Variants in YIPF1 observed in about 807,000 individuals in gnomAD.
YIPF1 encodes the protein Yip1 domain family member 1.
In YIPF1, 22 loss-of-function variants were observed where a neutral mutation model predicts 37.0. The ratio of observed to expected loss-of-function variants is 0.59; its 90% CI spans 0.42 to 0.85. YIPF1 has a LOEUF of 0.85. YIPF1 is among the 40% of genes least tolerant of loss of function. The pLI is 0.00. For missense variants in YIPF1, 355 were observed against 373.1 expected (o/e 0.95, Z 0.40); for synonymous variants, 128 against 131.9 (o/e 0.97, Z 0.21).
chr1:53,857,420 AC>A (rs1419360923), intron 10 of YIPF1, among the ~76,000 whole-genome samples: 1 of 152,172 alleles, frequency 6.6e-6, no homozygotes, highest in Non-Finnish European at 1.5e-5. Flanking sequence ...ACACCTCTAG[AC>A]CCGCAGAGGA....
At chr1:53,854,650 G>A (rs561027738) in intron 10 of YIPF1, among the ~76,000 whole-genome samples, 95 of 152,312 alleles carry the variant, frequency 6.2e-4, no homozygotes, top group Non-Finnish European at 1.0e-3. Context: ...CTTCTAGTCT[G>A]TGTGGCGTAT....
rs377441528 is a variant in YIPF1 at position 53,867,417 on chromosome 1, G to GGC, written c.482-495_482-494dup. Reference sequence around the variant, plus strand: ...AGACAGAGTCTTGCTCTGTCGCCCAGGCTGGAGTGCAGTGGCGCGATCTAG... The same window carrying GGC: ...AGACAGAGTCTTGCTCTGTCGCCCAGGCGCTGGAGTGCAGTGGCGCGATCTAG... On this transcript the variant is annotated intron_variant, in intron 7 of 10. Coordinates refer to ENST00000072644, the MANE Select transcript of YIPF1 (RefSeq NM_018982.5). 1.4e-5 allele frequency among the ~76,000 whole-genome samples: 2 copies of GGC among 138,904 alleles called. 1 individual carries two copies. Among genetic ancestry groups the GGC allele is most frequent in the African/African-American group, 5.5e-5 (2 of 36,334 alleles). The allele number at this position is 138,904 out of a possible 152,430, so 91.1% of individuals were successfully genotyped here.
At chr1:53,855,844 C>T (rs541641133) in intron 10 of YIPF1, among the ~76,000 whole-genome samples, 2 of 152,254 alleles carry the variant, frequency 1.3e-5, no homozygotes, top group South Asian at 2.1e-4. Context: ...TGGAAGCTCC[C>T]CTATGATCCT....
intron 6 of YIPF1, among the ~76,000 whole-genome samples, chr1:53,873,688 C>CA (rs1216285176): frequency 4.1e-3 from 425 of 102,858 alleles, no homozygotes; most frequent in East Asian, 0.023. Context: ...GACCTCATCT[C>CA]AAAAAAAAAA....
In YIPF1 at chr1:53,869,131, TTCTC is replaced by T. The variant is rs759374987; in HGVS notation, c.482-2211_482-2208del. ...AAAGAAGGAAGGATACATGGATACATTCTCTCTCTCTCTCTCTCTCTCTCTCTCT... is the reference window on the plus strand; with the variant it reads ...AAAGAAGGAAGGATACATGGATACATTCTCTCTCTCTCTCTCTCTCTCTCT... On this transcript the variant is annotated intron_variant, in intron 7 of 10. Coordinates refer to ENST00000072644, the MANE Select transcript of YIPF1 (RefSeq NM_018982.5). Among the ~76,000 whole-genome samples the T allele has an allele frequency of 1.8e-3, 245 of 139,558 alleles. 3 individuals are homozygous for T. The highest frequency in any genetic ancestry group is 0.012 in the South Asian group (53 of 4,242). The allele number at this position is 139,558 out of a possible 152,430, so 91.6% of individuals were successfully genotyped here. A position where few individuals can be genotyped will look rare whatever the true frequency, so the allele number is the denominator to read the frequency against.
intron 3 of YIPF1, among the ~76,000 whole-genome samples, chr1:53,886,107 G>A (rs1650645052): frequency 6.6e-6 from 1 of 151,916 alleles, no homozygotes; most frequent in Admixed American, 6.6e-5. Context: ...GCCCCAAGGA[G>A]GGCGATAACT....
intron 6 of YIPF1, among the ~76,000 whole-genome samples, chr1:53,876,728 T>G (rs1196520458): frequency 6.6e-6 from 1 of 152,184 alleles, no homozygotes; most frequent in East Asian, 1.9e-4. Context: ...ATCTATAAAA[T>G]GGGGATAATA....
intron 6 of YIPF1, among the ~76,000 whole-genome samples, chr1:53,876,149 C>A (rs1249421719): frequency 1.3e-5 from 2 of 152,136 alleles, no homozygotes; most frequent in African/African-American, 4.8e-5. Context: ...TCTCTGGTTG[C>A]AGGTGGGGCT....
At chr1:53,883,962 A>G (rs899480958) in intron 3 of YIPF1, among the ~76,000 whole-genome samples, 18 of 151,636 alleles carry the variant, frequency 1.2e-4, no homozygotes, top group African/African-American at 4.4e-4. Context: ...ACTTGAACCC[A>G]GGAGGCAAAG....
At chr1:53,860,029 C>T in intron 10 of YIPF1, 27 bp downstream of exon 10, 1 of 1,610,656 alleles carries the variant, frequency 6.2e-7, no homozygotes, top group South Asian at 1.1e-5. Flanking sequence ...TGGCACCACA[C>T]AGCAAAATAA....
chr1:53,864,087 G>A (rs1249797390), intron 9 of YIPF1, among the ~76,000 whole-genome samples: 1 of 152,114 alleles, frequency 6.6e-6, no homozygotes, highest in African/African-American at 2.4e-5. Context: ...CTGCTTCACT[G>A]CTCAACCTGC....
At chr1:53,863,453 A>C (rs556441469) in intron 9 of YIPF1, among the ~76,000 whole-genome samples, 1 of 152,290 alleles carries the variant, frequency 6.6e-6, no homozygotes, top group South Asian at 2.1e-4. Flanking sequence ...CAGTATATGG[A>C]GGGCTTTCAC....
Position 53,883,117 on chromosome 1 carries a change from G to A in YIPF1, c.191C>T (p.Thr64Ile). Reference protein sequence around the residue: ...ELLGNDDSDKTELLAGQKKSS... With the variant: ...ELLGNDDSDKIELLAGQKKSS... ...ATCTCAAAGACAAGTTCAAACCTCAGTTTTGTCAGAGTCATCATTTCCCAG... is the reference window on the plus strand; with the variant it reads ...ATCTCAAAGACAAGTTCAAACCTCAATTTTGTCAGAGTCATCATTTCCCAG... The change falls in exon 4 of 11, where the codon ACT (threonine) becomes ATT (isoleucine). Residue 64 changes from threonine (T) to isoleucine (I), a missense_variant. Physicochemically the swap from Thr to Ile is moderately conservative, Grantham distance 89. Transcript: ENST00000072644. The A allele has an allele frequency of 6.4e-7, 1 of 1,570,618 alleles. No individual in the cohort carries two copies. The highest frequency in any genetic ancestry group is 1.4e-5 in the African/African-American group (1 of 72,272).
At chr1:53,862,891 G>C (rs1250986960) in intron 9 of YIPF1, among the ~76,000 whole-genome samples, 1 of 152,172 alleles carries the variant, frequency 6.6e-6, no homozygotes, top group Non-Finnish European at 1.5e-5. Context: ...ACCCAACCAG[G>C]TGACAGTGGA....
chr1:53,888,898 C>T lies in YIPF1; in HGVS notation c.31+9G>A. The T allele has an allele frequency of 6.3e-7, 1 of 1,583,608 alleles. No individual in the cohort carries two copies. Among genetic ancestry groups the T allele is most frequent in the African/African-American group, 1.3e-5 (1 of 74,726 alleles). Reference sequence around the variant, plus strand: ...CATAAATATAAAGGTGGGCACCCAACTGGTATACCTTCAAATTGCAAGTCA... The same window carrying T: ...CATAAATATAAAGGTGGGCACCCAATTGGTATACCTTCAAATTGCAAGTCA... On this transcript the variant is annotated intron_variant, in intron 3 of 10. Coordinates refer to ENST00000072644, the MANE Select transcript of YIPF1 (RefSeq NM_018982.5).
At chr1:53,861,908 G>A (rs1055997549) in intron 9 of YIPF1, among the ~76,000 whole-genome samples, 1 of 152,178 alleles carries the variant, frequency 6.6e-6, no homozygotes, top group Non-Finnish European at 1.5e-5. Flanking sequence ...CAGCTACTCA[G>A]GAGGCTGAGG....
rs371531652 is a variant in YIPF1, at chr1:53,874,110, G to A, written c.365-2622C>T. Reference sequence around the variant, plus strand: ...TCTCCTATTATCATCCCTCTCCCCCGTTTGCAACCCTTCACTGAACCTCCA... The same window carrying A: ...TCTCCTATTATCATCCCTCTCCCCCATTTGCAACCCTTCACTGAACCTCCA... On this transcript the variant is annotated intron_variant, in intron 6 of 10. Coordinates refer to ENST00000072644, the MANE Select transcript of YIPF1 (RefSeq NM_018982.5). Among the ~76,000 whole-genome samples, 109 of 152,026 alleles carry A rather than the reference G, an allele frequency of 7.2e-4. 6 individuals carry two copies. The South Asian group carries it at 0.021, about 30-fold the overall frequency.
chr1:53,861,513 T>C (rs1427432241), intron 9 of YIPF1, among the ~76,000 whole-genome samples: 1 of 152,024 alleles, frequency 6.6e-6, no homozygotes, highest in Admixed American at 6.6e-5. Context: ...AACTTTCTGA[T>C]CTATAAAATT....
At chr1:53,889,031 G>T in intron 2 of YIPF1, 45 bp from the exon 3 acceptor site, 1 of 1,112,934 alleles carries the variant, frequency 9.0e-7, no homozygotes, top group Non-Finnish European at 1.3e-6. Context: ...ACAGTATAAA[G>T]TATCTGCAAA....
Sources: allele counts gnomAD v4.1 joint callset (sites outside exome capture counted in the v4.1 genomes callset), GRCh38; gene constraint gnomAD v4.1.1; transcripts MANE v1.5; gene names NCBI Gene and HGNC (gene_info 2026-07-23, HGNC 2026-07-21).